The following KIF5C variants were observed in gnomAD, a reference collection of about 807,000 sequenced individuals.
The protein encoded by KIF5C is kinesin family member 5C.
Under a neutral mutation model 125.2 loss-of-function variants are expected in KIF5C, and 18 were observed. The observed-to-expected ratio is 0.14, with a 90% CI of 0.10 to 0.21. KIF5C has a LOEUF of 0.21. KIF5C is among the 10% of genes least tolerant of loss of function. The pLI is 1.00. For synonymous variants in KIF5C, 405 were observed against 434.0 expected (o/e 0.93, Z 0.83); for missense variants, 780 against 1,183.8 (o/e 0.66, Z 5.01).
intron 1 of KIF5C, among the ~76,000 whole-genome samples, chr2:148,889,639 T>G (rs1218446733): frequency 6.6e-6 from 1 of 152,242 alleles, no homozygotes; most frequent in Non-Finnish European, 1.5e-5. Context: ...GGGATCCGTT[T>G]CACTTAGATG....
intron 1 of KIF5C, 91 bp downstream of exon 1, chr2:148,875,834 C>T: frequency 6.7e-7 from 1 of 1,489,510 alleles, no homozygotes; most frequent in Non-Finnish European, 9.0e-7. Context: ...TTTAGGCCGC[C>T]CCCTCGGACA....
At chr2:149,017,335 G>A (rs112766872) in intron 25 of KIF5C, among the ~76,000 whole-genome samples, 5 of 152,246 alleles carry the variant, frequency 3.3e-5, no homozygotes, top group African/African-American at 7.2e-5. Flanking sequence ...TTGTTTTCTC[G>A]TGCAGGCAAG....
intron 3 of KIF5C, among the ~76,000 whole-genome samples, chr2:148,934,773 T>G (rs1682257526): frequency 6.6e-6 from 1 of 151,614 alleles, no homozygotes; most frequent in African/African-American, 2.4e-5. Flanking sequence ...CACATATATG[T>G]AATACTCCAC....
intron 12 of KIF5C, among the ~76,000 whole-genome samples, chr2:148,973,937 C>T (rs1680989850): frequency 6.6e-6 from 1 of 152,208 alleles, no homozygotes; most frequent in African/African-American, 2.4e-5. Flanking sequence ...GTACTTTAAT[C>T]ATATAACCAT....
intron 3 of KIF5C, among the ~76,000 whole-genome samples, chr2:148,936,036 C>G (rs1682283147): frequency 6.6e-6 from 1 of 152,170 alleles, no homozygotes; most frequent in Non-Finnish European, 1.5e-5. Context: ...GCCTGTAATC[C>G]CAGCACTCTG....
chr2:148,875,575 G>GGGGCCCCCCCCCCCCCCCCCCCC lies in KIF5C; in HGVS notation c.-43_-42insGGGCCCCCCCCCCCCCCCCCCCC. On this transcript the variant is annotated 5_prime_UTR_variant, in exon 1 of 26. Coordinates refer to ENST00000435030, the MANE Select transcript of KIF5C (RefSeq NM_004522.3). Reference sequence around the variant, plus strand: ...TCCTCCCTCGTCGTTCCCGGCCCCGGCCCCCCACCCATCCCCGTGCCCCCT... The same window carrying GGGGCCCCCCCCCCCCCCCCCCCC: ...TCCTCCCTCGTCGTTCCCGGCCCCGGGGGCCCCCCCCCCCCCCCCCCCCCCCCCCACCCATCCCCGTGCCCCCT... The GGGGCCCCCCCCCCCCCCCCCCCC allele has an allele frequency of 1.4e-6, 1 of 699,606 alleles. No individual in the cohort carries two copies. The highest frequency in any genetic ancestry group is 2.6e-6 in the Non-Finnish European group (1 of 389,230). The allele number at this position is 699,606 out of a possible 1,614,324, so 43.3% of individuals were successfully genotyped here.
intron 2 of KIF5C, among the ~76,000 whole-genome samples, chr2:148,927,040 A>T (rs571032129): frequency 1.2e-4 from 18 of 152,300 alleles, no homozygotes; most frequent in Non-Finnish European, 2.1e-4. Flanking sequence ...GCAGCAAGAA[A>T]CAGATTCTCC....
chr2:148,934,748 A>G (rs138672450), intron 3 of KIF5C, among the ~76,000 whole-genome samples: 1 of 151,872 alleles, frequency 6.6e-6, no homozygotes, highest in Non-Finnish European at 1.5e-5. Context: ...TCACACACAT[A>G]TAACCCCCAC....
At chr2:148,989,530 T>C (rs1681471156) in intron 15 of KIF5C, among the ~76,000 whole-genome samples, 1 of 152,244 alleles carries the variant, frequency 6.6e-6, no homozygotes. Flanking sequence ...TTGAGTGGCA[T>C]ATCTACTTTT....
intron 12 of KIF5C, among the ~76,000 whole-genome samples, chr2:148,978,260 C>T (rs927606035): frequency 1.3e-5 from 2 of 148,190 alleles, no homozygotes; most frequent in African/African-American, 2.5e-5. Flanking sequence ...GTGAGAAGAG[C>T]GAATTTGCCT....
intron 1 of KIF5C, among the ~76,000 whole-genome samples, chr2:148,911,622 G>A (rs953871357): frequency 1.3e-5 from 2 of 152,086 alleles, no homozygotes; most frequent in African/African-American, 4.8e-5. Context: ...GTAGTTTGAG[G>A]GAGGACAAAG....
At chr2:148,881,554 T>C (rs1345203397) in intron 1 of KIF5C, among the ~76,000 whole-genome samples, 2 of 152,172 alleles carry the variant, frequency 1.3e-5, no homozygotes, top group African/African-American at 4.8e-5. Flanking sequence ...TGCCAATTTC[T>C]GCATTTCTGT....
chr2:149,009,199 T>C (rs939590552), intron 23 of KIF5C, among the ~76,000 whole-genome samples: 4 of 151,572 alleles, frequency 2.6e-5, no homozygotes, highest in African/African-American at 7.3e-5. Context: ...ACCATGTTGG[T>C]CAGGCTGGTC....
chr2:148,875,569 G>GCCCCCGGGC lies in KIF5C; in HGVS notation c.-45_-44insCGGGCCCCC. The GCCCCCGGGC allele has an allele frequency of 1.4e-6, 1 of 689,866 alleles. No individual in the cohort carries two copies. Among genetic ancestry groups the GCCCCCGGGC allele is most frequent in the Non-Finnish European group, 2.6e-6 (1 of 380,190 alleles). 42.7% of individuals were successfully genotyped at this position (689,866 alleles called of 1,614,324 possible). A position where few individuals can be genotyped will look rare whatever the true frequency, so the allele number is the denominator to read the frequency against. On this transcript the variant is annotated 5_prime_UTR_variant, in exon 1 of 26. Coordinates refer to ENST00000435030, the MANE Select transcript of KIF5C (RefSeq NM_004522.3). The stretch of plus-strand genomic sequence containing the variant: ...GCGGCCTCCTCCCTCGTCGTTCCCG[G>GCCCCCGGGC]CCCCGGCCCCCCACCCATCCCCGTG...
intron 21 of KIF5C, among the ~76,000 whole-genome samples, chr2:149,001,590 G>C (rs1331540557): frequency 6.6e-6 from 1 of 152,138 alleles, no homozygotes; most frequent in Non-Finnish European, 1.5e-5. Flanking sequence ...TGAAACCCTG[G>C]TTGGTTTTCT....
intron 10 of KIF5C, among the ~76,000 whole-genome samples, chr2:148,959,583 G>A (rs950784101): frequency 1.3e-5 from 2 of 152,052 alleles, no homozygotes; most frequent in Non-Finnish European, 2.9e-5. Flanking sequence ...ATGAAGTCTC[G>A]GGCTCCAGTG....
Position 148,922,158 on chromosome 2 carries a change from G to C in KIF5C, c.148G>C (p.Asp50His). Residue 50 changes from aspartate to histidine, a missense_variant, in exon 2 of 26, where the codon GAC (aspartate) becomes CAC (histidine). By Grantham distance (81) the Asp-to-His change is moderately conservative. Coordinates refer to ENST00000435030, the MANE Select transcript of KIF5C (RefSeq NM_004522.3). ...VIGQGKPYVF[D>H]RVLPPNTTQE... ...TTAGCAAGGGAAGCCATATGTCTTC[G>C]ACAGAGTGCTACCTCCCAACACGAC... 6.2e-7 allele frequency: 1 copy of C among 1,611,526 alleles called. No homozygotes were observed. Among genetic ancestry groups the C allele is most frequent in the Non-Finnish European group, 8.5e-7 (1 of 1,178,880 alleles).
intron 1 of KIF5C, among the ~76,000 whole-genome samples, chr2:148,912,293 A>G (rs936322057): frequency 3.3e-5 from 5 of 152,220 alleles, no homozygotes; most frequent in African/African-American, 1.2e-4. Context: ...GCGTTGAAAA[A>G]TATGGTACCC....
intron 16 of KIF5C, among the ~76,000 whole-genome samples, chr2:148,993,303 G>A (rs186741364): frequency 2.5e-4 from 38 of 152,278 alleles, no homozygotes; most frequent in Admixed American, 1.6e-3. Context: ...GATCAGAGTC[G>A]AGAATATTAT....
Sources: gnomAD v4.1 joint callset for allele counts (sites outside exome capture counted in the v4.1 genomes callset) on GRCh38, gnomAD v4.1.1 for gene constraint, MANE v1.5 for transcripts, NCBI Gene and HGNC (gene_info 2026-07-23, HGNC 2026-07-21) for gene names.